NRG3: variants seen among roughly 807,000 people sequenced by gnomAD.
The protein encoded by NRG3 is neuregulin 3, also known as pro-neuregulin-3, membrane-bound isoform.
A neutral mutation model predicts 66.9 loss-of-function variants in NRG3; 31 were observed. That is an observed-to-expected ratio of 0.46 (90% CI 0.35 to 0.63). NRG3 has a LOEUF of 0.63. Among genes scored for constraint, NRG3 ranks in the 20% least tolerant of loss-of-function variants. NRG3 has a pLI of 0.00. For synonymous variants in NRG3, 393 were observed against 359.4 expected (o/e 1.09, Z -1.06); for missense variants, 910 against 878.9 (o/e 1.04, Z -0.45).
chr10:82,208,232 G>A (rs1239888724), intron 1 of NRG3, among the ~76,000 whole-genome samples: 2 of 152,126 alleles, frequency 1.3e-5, no homozygotes, highest in African/African-American at 4.8e-5. Context: ...TCTGGACTCA[G>A]TTTTGGACTA....
At chr10:82,373,702 G>A (rs1192371132) in intron 2 of NRG3, among the ~76,000 whole-genome samples, 2 of 152,138 alleles carry the variant, frequency 1.3e-5, no homozygotes, top group Non-Finnish European at 2.9e-5. Flanking sequence ...TTTAAATAAG[G>A]TCATAATTTT....
intron 2 of NRG3, among the ~76,000 whole-genome samples, chr10:82,674,689 T>A (rs914588611): frequency 2.6e-5 from 4 of 152,028 alleles, no homozygotes; most frequent in African/African-American, 9.7e-5. Context: ...TACATTCAGG[T>A]AAAGTGAGAA....
chr10:82,708,410 C>A (rs1032271242), intron 2 of NRG3, among the ~76,000 whole-genome samples: 2 of 152,058 alleles, frequency 1.3e-5, no homozygotes, highest in African/African-American at 4.8e-5. Flanking sequence ...CTTTGTCACC[C>A]AAGTAATAAG....
At chr10:82,410,655 T>A (rs1437203004) in intron 2 of NRG3, among the ~76,000 whole-genome samples, 2 of 151,896 alleles carry the variant, frequency 1.3e-5, no homozygotes, top group Non-Finnish European at 2.9e-5. Context: ...ACCTTCTGAA[T>A]ATTGTAAAAC....
intron 2 of NRG3, among the ~76,000 whole-genome samples, chr10:82,595,460 T>C (rs1009881142): frequency 6.6e-6 from 1 of 152,126 alleles, no homozygotes; most frequent in African/African-American, 2.4e-5. Context: ...ATTACCACCT[T>C]ATAAAACAGA....
chr10:82,076,138 G>A (rs970930410), intron 1 of NRG3, among the ~76,000 whole-genome samples: 8 of 152,086 alleles, frequency 5.3e-5, no homozygotes, highest in African/African-American at 9.7e-5. Context: ...AGTTAGGGCA[G>A]CAATACATGA....
At chr10:82,495,920 C>T (rs529276324) in intron 2 of NRG3, among the ~76,000 whole-genome samples, 1 of 151,652 alleles carries the variant, frequency 6.6e-6, no homozygotes, top group Non-Finnish European at 1.5e-5. Context: ...TGAGTTCTTG[C>T]CTAAAGAATG....
At chr10:82,641,659 C>T (rs1296506340) in intron 2 of NRG3, among the ~76,000 whole-genome samples, 2 of 152,124 alleles carry the variant, frequency 1.3e-5, no homozygotes, top group African/African-American at 4.8e-5. Flanking sequence ...TTGGACAATT[C>T]AGGCAATAAC....
At chr10:81,964,783 A>G (rs1419985677) in intron 1 of NRG3, among the ~76,000 whole-genome samples, 1 of 152,046 alleles carries the variant, frequency 6.6e-6, no homozygotes, top group Non-Finnish European at 1.5e-5. Context: ...ATTTGATAGG[A>G]GAAACAGATA....
chr10:82,646,840 A>G (rs1018903935), intron 2 of NRG3, among the ~76,000 whole-genome samples: 3 of 152,120 alleles, frequency 2.0e-5, no homozygotes, highest in African/African-American at 7.2e-5. Flanking sequence ...AATTTCTCCT[A>G]TCTTTCTGTC....
chr10:82,627,157 G>A (rs555258114), intron 2 of NRG3, among the ~76,000 whole-genome samples: 4 of 152,238 alleles, frequency 2.6e-5, no homozygotes, highest in East Asian at 1.9e-4. Context: ...GGACTCTGTC[G>A]TTGGAGCTGG....
At chr10:82,781,933 G>T (rs1245013265) in intron 3 of NRG3, among the ~76,000 whole-genome samples, 2 of 152,056 alleles carry the variant, frequency 1.3e-5, no homozygotes, top group Non-Finnish European at 2.9e-5. Context: ...TACAAGTACT[G>T]CCTTCATCTC....
chr10:82,130,128 A>G (rs1464339534), intron 1 of NRG3, among the ~76,000 whole-genome samples: 1 of 151,788 alleles, frequency 6.6e-6, no homozygotes, highest in Non-Finnish European at 1.5e-5. Flanking sequence ...TCCACTGTGT[A>G]TATGTATCAT....
chr10:82,125,959 G>A (rs1276813644), intron 1 of NRG3, among the ~76,000 whole-genome samples: 1 of 152,038 alleles, frequency 6.6e-6, no homozygotes, highest in African/African-American at 2.4e-5. Flanking sequence ...CAAAAGGCCT[G>A]TAGGGAGAAA....
At chr10:82,648,403 T>A (rs1412246511) in intron 2 of NRG3, among the ~76,000 whole-genome samples, 2 of 152,186 alleles carry the variant, frequency 1.3e-5, no homozygotes, top group African/African-American at 2.4e-5. Context: ...TTTTGGTTAC[T>A]GTAGCCTTGT....
At chr10:82,154,916 AT>A (rs1200513918) in intron 1 of NRG3, among the ~76,000 whole-genome samples, 1 of 151,804 alleles carries the variant, frequency 6.6e-6, no homozygotes, top group Non-Finnish European at 1.5e-5. Flanking sequence ...CTACAACTTT[AT>A]TGAATTCTTT....
intron 1 of NRG3, among the ~76,000 whole-genome samples, chr10:82,126,530 A>G (rs2132435988): frequency 6.6e-6 from 1 of 152,214 alleles, no homozygotes; most frequent in South Asian, 2.1e-4. Context: ...TAGTATGCAG[A>G]GATTTAATTG....
chr10:82,533,755 A>T (rs552517413), intron 2 of NRG3, among the ~76,000 whole-genome samples: 1 of 152,294 alleles, frequency 6.6e-6, no homozygotes, highest in South Asian at 2.1e-4. Context: ...CCTAGGACAG[A>T]CAAAGAAATG....
At chr10:82,785,284 G>A (rs1020705885) in intron 3 of NRG3, among the ~76,000 whole-genome samples, 2 of 151,672 alleles carry the variant, frequency 1.3e-5, no homozygotes, top group African/African-American at 4.8e-5. Flanking sequence ...CAGCACACCA[G>A]CATGGCACAT....
Sources: allele counts gnomAD v4.1 joint callset (sites outside exome capture counted in the v4.1 genomes callset), GRCh38; gene constraint gnomAD v4.1.1; transcripts MANE v1.5; gene names NCBI Gene and HGNC (gene_info 2026-07-23, HGNC 2026-07-21).